Variants in MRPL1 observed in about 807,000 individuals in gnomAD.
MRPL1 encodes the protein mitochondrial ribosomal protein L1, also known as large ribosomal subunit protein uL1m.
In MRPL1, 28 loss-of-function variants were observed where a neutral mutation model predicts 38.0. That is an observed-to-expected ratio of 0.74 (90% CI 0.55 to 1.01). The LOEUF (loss-of-function observed/expected upper bound fraction) is 1.01. Ranked by LOEUF, MRPL1 falls within the 50% of genes least tolerant of loss-of-function variation. MRPL1 has a pLI of 0.00. For missense variants in MRPL1, 358 were observed against 389.8 expected, an observed-to-expected ratio of 0.92 and a Z score of 0.69; for synonymous variants, 123 against 126.7, an observed-to-expected ratio of 0.97 and a Z score of 0.20.
intron 1 of MRPL1, among the ~76,000 whole-genome samples, chr4:77,863,422 A>G (rs1735050374): frequency 6.7e-6 from 1 of 149,184 alleles, no homozygotes; most frequent in Non-Finnish European, 1.5e-5. Flanking sequence ...TAATAATTTC[A>G]ACTTTTTGTC....
chr4:77,895,620 T>TA (rs1185033251), intron 6 of MRPL1, among the ~76,000 whole-genome samples: 1 of 152,092 alleles, frequency 6.6e-6, no homozygotes, highest in Admixed American at 6.5e-5. Context: ...CTAGTTGAGC[T>TA]AAAAAAATTC....
intron 7 of MRPL1, among the ~76,000 whole-genome samples, chr4:77,924,563 C>T (rs1162657934): frequency 6.6e-6 from 1 of 152,126 alleles, no homozygotes; most frequent in African/African-American, 2.4e-5. Context: ...AGTCCTCATG[C>T]CTTTCATTCC....
chr4:77,942,164 C>G (rs76231835), intron 7 of MRPL1, among the ~76,000 whole-genome samples: 10,939 of 151,818 alleles, frequency 0.072, 684 homozygotes, highest in African/African-American at 0.17. Flanking sequence ...TGTTTAATTT[C>G]TACGGTTTTG....
intron 4 of MRPL1, 79 bp from the exon 5 acceptor site, chr4:77,887,141 A>G (rs1271428495): frequency 8.7e-7 from 1 of 1,142,920 alleles, no homozygotes; most frequent in Non-Finnish European, 1.3e-6. Context: ...CTGTGATATT[A>G]TTTCTGACAA....
In MRPL1 at chr4:77,922,287, T is replaced by C. The variant is rs539496695; in HGVS notation, c.777+12915T>C. ...AAAGTGACCGAAGGAAGGCGTTACA[T>C]GCAGAAGAAACAGCAAATGCAAGGC... On this transcript the variant is annotated intron_variant, in intron 7 of 8. Coordinates refer to ENST00000315567, the MANE Select transcript of MRPL1 (RefSeq NM_020236.4). 8.3e-4 allele frequency among the ~76,000 whole-genome samples: 127 copies of C among 152,300 alleles called. 1 individual carries two copies. The highest frequency in any genetic ancestry group is 3.0e-3 in the African/African-American group (125 of 41,578).
chr4:77,930,075 G>A (rs1045290740), intron 7 of MRPL1, among the ~76,000 whole-genome samples: 2 of 152,150 alleles, frequency 1.3e-5, no homozygotes, highest in Non-Finnish European at 2.9e-5. Flanking sequence ...CAAACTAGTG[G>A]CAAGTTTGCC....
chr4:77,940,117 G>A (rs1047999520), intron 7 of MRPL1, among the ~76,000 whole-genome samples: 1 of 151,914 alleles, frequency 6.6e-6, no homozygotes, highest in East Asian at 1.9e-4. Context: ...CACTTAATTT[G>A]TATATTGCTT....
chr4:77,920,191 C>T (rs548813603), intron 7 of MRPL1, among the ~76,000 whole-genome samples: 62 of 152,228 alleles, frequency 4.1e-4, no homozygotes, highest in South Asian at 1.5e-3. Flanking sequence ...TTTTGTAAAA[C>T]ATGTTTGGTC....
chr4:77,876,599 G>A (rs372987817), intron 2 of MRPL1, among the ~76,000 whole-genome samples: 2 of 152,170 alleles, frequency 1.3e-5, no homozygotes, highest in South Asian at 2.1e-4. Context: ...AGTTTGATGA[G>A]AATCATAGTA....
chr4:77,871,846 C>A lies in MRPL1; in HGVS notation c.134C>A (p.Ala45Asp). ...NIRVPNRHFA[A>D]ATKSAKKTKK... ...CGAGTGCCCAACAGACATTTTGCTG[C>A]TGCTACAAAGTAAGTATTTTTTTTT... The change falls in exon 2 of 9, where the codon GCT becomes GAT. Residue 45 changes from alanine (A) to aspartate (D), a missense_variant. By Grantham distance (126) the Ala-to-Asp change is moderately radical. Coordinates refer to ENST00000315567, the MANE Select transcript of MRPL1 (RefSeq NM_020236.4). The A allele has an allele frequency of 1.9e-6, 3 of 1,586,812 alleles. No homozygotes were observed. Among genetic ancestry groups the A allele is most frequent in the East Asian group, 2.3e-5 (1 of 44,206 alleles).
chr4:77,871,724 T>C lies in MRPL1; in HGVS notation c.32-20T>C. ...TAATGATTATTTAATGTTAATATTT[T>C]ACATGTTTTTCCTTTCAAGCCTTGA... On this transcript the variant is annotated intron_variant, in intron 1 of 8. Coordinates refer to ENST00000315567, the MANE Select transcript of MRPL1 (RefSeq NM_020236.4). 1 of 1,136,794 alleles carries C rather than the reference T, an allele frequency of 8.8e-7. No individual in the cohort carries two copies. The highest frequency in any genetic ancestry group is 1.3e-6 in the Non-Finnish European group (1 of 796,120). The allele number at this position is 1,136,794 out of a possible 1,614,324, so 70.4% of individuals were successfully genotyped here.
intron 4 of MRPL1, 54 bp from the exon 5 acceptor site, chr4:77,887,166 G>C: frequency 7.5e-7 from 1 of 1,327,196 alleles, no homozygotes; most frequent in Non-Finnish European, 1.1e-6. Flanking sequence ...CTTCAAAGCA[G>C]ACTGAATATA....
chr4:77,910,704 A>G (rs1255357692), intron 7 of MRPL1, among the ~76,000 whole-genome samples: 2 of 152,210 alleles, frequency 1.3e-5, no homozygotes, highest in African/African-American at 4.8e-5. Context: ...ATGGGACTAC[A>G]GATGTATGCC....
intron 7 of MRPL1, among the ~76,000 whole-genome samples, chr4:77,914,101 G>C (rs1042672031): frequency 2.0e-5 from 3 of 152,186 alleles, no homozygotes; most frequent in African/African-American, 7.2e-5. Context: ...CATTAAGAAT[G>C]TGGAGGATAT....
chr4:77,902,903 A>G (rs1212812225), intron 6 of MRPL1, among the ~76,000 whole-genome samples: 1 of 152,190 alleles, frequency 6.6e-6, no homozygotes, highest in African/African-American at 2.4e-5. Context: ...CCTGATTCCC[A>G]CTGGTGAATT....
At chr4:77,944,294 T>C (rs1737203161) in intron 7 of MRPL1, among the ~76,000 whole-genome samples, 1 of 152,224 alleles carries the variant, frequency 6.6e-6, no homozygotes, top group Non-Finnish European at 1.5e-5. Context: ...CTCTGGGGCC[T>C]GTCGCAGCAA....
intron 1 of MRPL1, among the ~76,000 whole-genome samples, chr4:77,867,681 G>A (rs373932890): frequency 1.3e-5 from 2 of 149,268 alleles, no homozygotes; most frequent in Non-Finnish European, 3.0e-5. Flanking sequence ...CGATCAACCC[G>A]CCTTGGCTTC....
Position 77,886,296 on chromosome 4 carries a change from T to C in MRPL1, c.487-924T>C, listed in dbSNP as rs1008130947. On this transcript the variant is annotated intron_variant, in intron 4 of 8. Coordinates refer to ENST00000315567, the MANE Select transcript of MRPL1 (RefSeq NM_020236.4). ...GATTCTCCTGCCTCAGCCTACTGAGTAGCTGGAACTGCGGGTGCTAGCCAC... is the reference window on the plus strand; with the variant it reads ...GATTCTCCTGCCTCAGCCTACTGAGCAGCTGGAACTGCGGGTGCTAGCCAC... 2.0e-5 allele frequency among the ~76,000 whole-genome samples: 3 copies of C among 152,178 alleles called. 1 individual carries two copies. Among genetic ancestry groups the C allele is most frequent in the East Asian group, 3.9e-4 (2 of 5,172 alleles).
intron 7 of MRPL1, among the ~76,000 whole-genome samples, chr4:77,920,765 C>T (rs986957415): frequency 8.0e-5 from 12 of 150,626 alleles, no homozygotes; most frequent in Non-Finnish European, 1.8e-4. Flanking sequence ...TTCCATTCAT[C>T]CTTTTTTTTT....
Sources: gnomAD v4.1 joint callset for allele counts (sites outside exome capture counted in the v4.1 genomes callset) on GRCh38, gnomAD v4.1.1 for gene constraint, MANE v1.5 for transcripts, NCBI Gene and HGNC (gene_info 2026-07-23, HGNC 2026-07-21) for gene names.